UMAD1: variants seen among roughly 807,000 people sequenced by gnomAD.
UMAD1 encodes the protein UBAP1-MVB12-associated (UMA) domain containing 1.
A neutral mutation model predicts 6.1 loss-of-function variants in UMAD1; 8 were observed. The ratio of observed to expected loss-of-function variants is 1.30; its 90% CI spans 0.76 to 2.35. UMAD1 has a LOEUF of 2.35. Among genes scored for constraint, UMAD1 ranks in the 30% most tolerant of loss-of-function variants. UMAD1 has a pLI of 0.00. For missense variants in UMAD1, 130 were observed against 78.4 expected (o/e 1.66, Z -2.49); for synonymous variants, 56 against 31.4 (o/e 1.78, Z -2.61).
intron 2 of UMAD1, among the ~76,000 whole-genome samples, chr7:7,797,352 A>G (rs1196563263): frequency 1.3e-5 from 2 of 152,138 alleles, no homozygotes; most frequent in African/African-American, 4.8e-5. Context: ...TTTGGAGGGG[A>G]CACACATCCA....
chr7:7,671,677 A>C (rs559064536), intron 1 of UMAD1, among the ~76,000 whole-genome samples: 81 of 151,866 alleles, frequency 5.3e-4, no homozygotes, highest in Middle Eastern at 6.8e-3. Context: ...TTATTCAGTT[A>C]CTTTTTTTCA....
Position 7,788,833 on chromosome 7 carries a change from T to G in UMAD1, c.83-12837T>G, listed in dbSNP as rs1018840299. Among the ~76,000 whole-genome samples, 5 of 152,346 alleles carry G rather than the reference T, an allele frequency of 3.3e-5. No individual in the cohort carries two copies. The South Asian group carries it at 1.0e-3, about 32-fold the overall frequency. ...TAGTGACATCAAGACTTAAGAAGATTGAAAAATGTCCCATCTTCAGAGGAA... is the reference window on the plus strand; with the variant it reads ...TAGTGACATCAAGACTTAAGAAGATGGAAAAATGTCCCATCTTCAGAGGAA... On this transcript the variant is annotated intron_variant, in intron 2 of 3. Transcript: ENST00000682710.
chr7:7,863,708 G>C (rs903650748), intron 3 of UMAD1, among the ~76,000 whole-genome samples: 4 of 152,126 alleles, frequency 2.6e-5, no homozygotes, highest in African/African-American at 9.7e-5. Flanking sequence ...TAAGATCAAA[G>C]AGCCACCAAA....
At chr7:7,770,231 A>G (rs865868042) in intron 2 of UMAD1, among the ~76,000 whole-genome samples, 35 of 152,048 alleles carry the variant, frequency 2.3e-4, no homozygotes, top group African/African-American at 7.5e-4. Context: ...ACTTACCTTC[A>G]TCACATTCAT....
chr7:7,796,550 C>A (rs998566124), intron 2 of UMAD1, among the ~76,000 whole-genome samples: 3 of 152,080 alleles, frequency 2.0e-5, no homozygotes, highest in Non-Finnish European at 2.9e-5. Context: ...CGTGCCCGGC[C>A]GACCCATTTC....
chr7:7,816,917 G>A (rs1290496709), intron 3 of UMAD1, among the ~76,000 whole-genome samples: 1 of 152,168 alleles, frequency 6.6e-6, no homozygotes, highest in African/African-American at 2.4e-5. Flanking sequence ...ATCTGACCAT[G>A]TAGTTGCCTT....
At chr7:7,841,700 A>G (rs918852365) in intron 3 of UMAD1, among the ~76,000 whole-genome samples, 2 of 152,218 alleles carry the variant, frequency 1.3e-5, no homozygotes, top group Non-Finnish European at 2.9e-5. Context: ...GCAGCTTAGA[A>G]AAGACAATAT....
intron 2 of UMAD1, chr7:7,689,204 T>C (rs534052293): frequency 6.6e-6 from 1 of 152,278 alleles, no homozygotes; most frequent in South Asian, 2.1e-4. Context: ...GACTGCGACA[T>C]GAAGGAAGAT....
intron 2 of UMAD1, among the ~76,000 whole-genome samples, chr7:7,792,304 G>GTTGTCAAC (rs1410841209): frequency 1.3e-5 from 2 of 152,198 alleles, no homozygotes; most frequent in African/African-American, 4.8e-5. Context: ...GGTTATAACA[G>GTTGTCAAC]TTGTCAACAG....
intron 2 of UMAD1, among the ~76,000 whole-genome samples, chr7:7,783,405 T>C (rs1782390694): frequency 2.0e-5 from 3 of 152,174 alleles, no homozygotes; most frequent in Admixed American, 1.3e-4. Flanking sequence ...TGTTTTTTTT[T>C]TTTTTTCTAA....
chr7:7,726,605 A>T (rs1348893257), intron 2 of UMAD1, among the ~76,000 whole-genome samples: 1 of 152,178 alleles, frequency 6.6e-6, no homozygotes, highest in East Asian at 1.9e-4. Flanking sequence ...TGGAAATGGC[A>T]CCATTCACCC....
At chr7:7,770,985 A>G (rs148749508) in intron 2 of UMAD1, among the ~76,000 whole-genome samples, 319 of 152,268 alleles carry the variant, frequency 2.1e-3, no homozygotes, top group Non-Finnish European at 3.7e-3. Context: ...TCCCCTAGAG[A>G]TGGAGTGAGA....
intron 2 of UMAD1, among the ~76,000 whole-genome samples, chr7:7,750,879 T>G (rs1781665334): frequency 6.6e-6 from 1 of 152,184 alleles, no homozygotes; most frequent in Non-Finnish European, 1.5e-5. Context: ...ATTGCTGGAT[T>G]TAAAAGTAGG....
chr7:7,738,642 G>C (rs1781405030), intron 2 of UMAD1: 1 of 152,226 alleles, frequency 6.6e-6, no homozygotes, highest in African/African-American at 2.4e-5. Flanking sequence ...TTTTAGGGCT[G>C]TGGCTACCGA....
At chr7:7,828,995 A>G (rs1783405626) in intron 3 of UMAD1, among the ~76,000 whole-genome samples, 1 of 152,188 alleles carries the variant, frequency 6.6e-6, no homozygotes, top group Non-Finnish European at 1.5e-5. Flanking sequence ...ATGGAACACT[A>G]TTATAAGGGA....
rs1487250639 is a variant in UMAD1 at position 7,732,047 on chromosome 7, A to T, written c.82+58594A>T. ...GACCATTATTTTGTTTTATATAGTC[A>T]ATTTTAGATAGATATTCTTACATCT... On this transcript the variant is annotated intron_variant, in intron 2 of 3. Coordinates refer to ENST00000682710, the MANE Select transcript of UMAD1 (RefSeq NM_001302348.2). 6.6e-5 allele frequency among the ~76,000 whole-genome samples: 10 copies of T among 152,096 alleles called. 1 individual carries two copies. Among genetic ancestry groups the T allele is most frequent in the South Asian group, 6.2e-4 (3 of 4,828 alleles).
At chr7:7,731,808 T>C (rs976118935) in intron 2 of UMAD1, among the ~76,000 whole-genome samples, 5 of 152,144 alleles carry the variant, frequency 3.3e-5, no homozygotes, top group African/African-American at 1.2e-4. Context: ...AAGCCTTAAG[T>C]ATAAAAATAC....
intron 2 of UMAD1, among the ~76,000 whole-genome samples, chr7:7,740,399 TA>T (rs903197629): frequency 6.6e-4 from 101 of 152,334 alleles, no homozygotes; most frequent in African/African-American, 2.4e-3. Flanking sequence ...TATAAATCCT[TA>T]AAAAACAACT....
intron 3 of UMAD1, among the ~76,000 whole-genome samples, chr7:7,804,703 C>T (rs528627634): frequency 2.6e-5 from 4 of 151,672 alleles, no homozygotes; most frequent in Admixed American, 6.6e-5. Context: ...AAAATGAGGC[C>T]GGGTGCGGTG....
Sources: allele counts gnomAD v4.1 joint callset (sites outside exome capture counted in the v4.1 genomes callset), GRCh38; gene constraint gnomAD v4.1.1; transcripts MANE v1.5; gene names NCBI Gene and HGNC (gene_info 2026-07-23, HGNC 2026-07-21).